The following MAP3K5 variants were observed in gnomAD, a reference collection of about 807,000 sequenced individuals.
MAP3K5 encodes the protein ASK-1.
Under a neutral mutation model 158.7 loss-of-function variants are expected in MAP3K5, and 56 were observed. The observed-to-expected ratio is 0.35, with a 90% CI of 0.28 to 0.44. The LOEUF (loss-of-function observed/expected upper bound fraction) is 0.44, where lower values mean the gene tolerates loss of function less well. Among genes scored for constraint, MAP3K5 ranks in the 20% least tolerant of loss-of-function variants. The pLI is 1.00. For synonymous variants in MAP3K5, 579 were observed against 601.7 expected, an observed-to-expected ratio of 0.96 and a Z score of 0.55; for missense variants, 1,294 against 1,674.8, an observed-to-expected ratio of 0.77 and a Z score of 3.97.
chr6:136,756,718 C>A (rs1227399252), intron 1 of MAP3K5, among the ~76,000 whole-genome samples: 1 of 152,160 alleles, frequency 6.6e-6, no homozygotes, highest in South Asian at 2.1e-4. Context: ...AAGGCCCTGC[C>A]GATTCATCAC....
Position 136,720,456 on chromosome 6 carries a change from T to C in MAP3K5, c.582A>G (p.Ser194=). ...CAGTAAACAAGGGAGGTACCTTCAG[T>C]GACTGCAGAGAGTCCGAGTTAGTAT... ...YCDTNSDSLQ[S]LKEIICQKNT... is the part of the protein sequence containing the mutation. The change falls in exon 2 of 30, where the codon TCA becomes TCG. Residue 194 remains serine (S), a synonymous_variant. Transcript: ENST00000359015. 6.3e-7 allele frequency: 1 copy of C among 1,595,970 alleles called. No individual in the cohort carries two copies. The highest frequency in any genetic ancestry group is 8.5e-7 in the Non-Finnish European group (1 of 1,172,720).
intron 7 of MAP3K5, among the ~76,000 whole-genome samples, chr6:136,673,213 C>T (rs1779559362): frequency 6.6e-6 from 1 of 152,090 alleles, no homozygotes; most frequent in South Asian, 2.1e-4. Context: ...AAAATGAAAA[C>T]CCAGACCCAA....
intron 1 of MAP3K5, among the ~76,000 whole-genome samples, chr6:136,787,305 G>A (rs75175279): frequency 0.039 from 5,925 of 152,318 alleles, 131 homozygotes; most frequent in African/African-American, 0.063. Context: ...CCAGCATCCT[G>A]GCACAGAGGC....
In MAP3K5 at chr6:136,609,718, C is replaced by A. The variant is rs538250770; in HGVS notation, c.2521+1564G>T. ...CTGAGGTAGGAGAATCACTTGAGCC[C>A]GGGGTAGGGGAGGTCACAGTGAGCA... is the stretch of plus-strand genomic sequence containing the variant. On this transcript the variant is annotated intron_variant, in intron 18 of 29. Coordinates refer to ENST00000359015, the MANE Select transcript of MAP3K5 (RefSeq NM_005923.4). The surrounding 1 kb of genome is among the most constrained non-coding windows in gnomAD (Gnocchi z 4.4). 6.6e-6 allele frequency among the ~76,000 whole-genome samples: 1 copy of A among 151,558 alleles called. No individual in the cohort carries two copies. Among genetic ancestry groups the A allele is most frequent in the Non-Finnish European group, 1.5e-5 (1 of 67,926 alleles).
rs140776350 is a variant in MAP3K5 at position 136,737,396 on chromosome 6, T to C, written c.449-16807A>G. Among the ~76,000 whole-genome samples the C allele has an allele frequency of 1.2e-3, 181 of 151,818 alleles. 1 individual carries two copies. Among genetic ancestry groups the C allele is most frequent in the African/African-American group, 4.0e-3 (165 of 41,368 alleles). On this transcript the variant is annotated intron_variant, in intron 1 of 29. Coordinates refer to ENST00000359015, the MANE Select transcript of MAP3K5 (RefSeq NM_005923.4). ...GTATCCTCTGAAACTAAAATAAAAG[T>C]TGAAAAAAAGGCCAGCCACACAGAG... is the stretch of plus-strand genomic sequence containing the variant.
chr6:136,615,735 A>G (rs1776534605), intron 15 of MAP3K5, among the ~76,000 whole-genome samples: 1 of 152,132 alleles, frequency 6.6e-6, no homozygotes, highest in Admixed American at 6.5e-5. Flanking sequence ...TAAATTGAAT[A>G]TATATATATC....
intron 1 of MAP3K5, among the ~76,000 whole-genome samples, chr6:136,745,340 T>C (rs778457295): frequency 6.6e-5 from 10 of 152,116 alleles, no homozygotes; most frequent in Non-Finnish European, 1.0e-4. Flanking sequence ...ATTAATTTTC[T>C]CTCCATGTTC....
chr6:136,580,483 G>T, intron 24 of MAP3K5, 77 bp from the exon 25 acceptor site: 1 of 823,274 alleles, frequency 1.2e-6, no homozygotes. Context: ...CTTGTATGAA[G>T]TTCCATTTAC....
chr6:136,620,100 T>C (rs1776736788), intron 15 of MAP3K5, among the ~76,000 whole-genome samples: 2 of 152,066 alleles, frequency 1.3e-5, no homozygotes, highest in African/African-American at 4.8e-5. Context: ...TGAAACTCTG[T>C]CTCTATTAAA....
intron 25 of MAP3K5, 149 bp from the exon 26 acceptor site, chr6:136,568,023 C>G (rs1774196838): frequency 2.4e-6 from 2 of 819,154 alleles, no homozygotes; most frequent in South Asian, 3.6e-5. Context: ...TTTCTGTAGA[C>G]TCAGATTTGT....
chr6:136,756,456 CTGT>C (rs1323482065), intron 1 of MAP3K5, among the ~76,000 whole-genome samples: 1 of 152,232 alleles, frequency 6.6e-6, no homozygotes, highest in East Asian at 1.9e-4. Context: ...CTTTTTGTTG[CTGT>C]TGTTGTTGAG....
intron 2 of MAP3K5, among the ~76,000 whole-genome samples, chr6:136,713,163 G>A (rs1419407763): frequency 1.3e-5 from 2 of 152,146 alleles, no homozygotes; most frequent in Non-Finnish European, 2.9e-5. Flanking sequence ...AATTCAGCAA[G>A]GCTTGCCCCA....
chr6:136,696,332 G>A (rs1780599456), intron 5 of MAP3K5, among the ~76,000 whole-genome samples: 1 of 152,194 alleles, frequency 6.6e-6, no homozygotes, highest in Non-Finnish European at 1.5e-5. Context: ...GCATGATAGT[G>A]CTCTACTGTC....
chr6:136,559,156 G>A (rs1830387840), intron 28 of MAP3K5, among the ~76,000 whole-genome samples: 1 of 152,104 alleles, frequency 6.6e-6, no homozygotes, highest in African/African-American at 2.4e-5. Flanking sequence ...TTCGAGACCA[G>A]CCTGGCCAAA....
intron 1 of MAP3K5, among the ~76,000 whole-genome samples, chr6:136,772,176 C>T (rs1662680197): frequency 6.6e-6 from 1 of 151,514 alleles, no homozygotes; most frequent in Non-Finnish European, 1.5e-5. Flanking sequence ...CTCGGCCTCC[C>T]AAAGTCCTGG....
chr6:136,662,528 T>C (rs1260622045), intron 8 of MAP3K5, among the ~76,000 whole-genome samples: 1 of 151,966 alleles, frequency 6.6e-6, no homozygotes, highest in Non-Finnish European at 1.5e-5. Flanking sequence ...TCTCCCTCTC[T>C]CTCTTCCTTT....
intron 8 of MAP3K5, among the ~76,000 whole-genome samples, chr6:136,666,613 T>G (rs928978949): frequency 1.3e-5 from 2 of 152,166 alleles, no homozygotes; most frequent in African/African-American, 4.8e-5. Flanking sequence ...TTAACATCAT[T>G]ATTATATTAA....
At chr6:136,582,604 A>G (rs1313454290) in intron 24 of MAP3K5, among the ~76,000 whole-genome samples, 2 of 152,234 alleles carry the variant, frequency 1.3e-5, no homozygotes, top group Non-Finnish European at 2.9e-5. Context: ...TGGCTTACAC[A>G]GTGTCTCAGA....
In MAP3K5 at chr6:136,592,727, C is replaced by T. The variant is rs1028011633; in HGVS notation, c.2879-113G>A. 4 of 915,760 alleles carry T rather than the reference C, an allele frequency of 4.4e-6. No homozygotes were observed. In the Admixed American group the frequency reaches 5.5e-5, roughly 13 times the overall value. The allele number at this position is 915,760 out of a possible 1,614,324, so 56.7% of individuals were successfully genotyped here. A position where few individuals can be genotyped will look rare whatever the true frequency, so the allele number is the denominator to read the frequency against. On this transcript the variant is annotated intron_variant, in intron 21 of 29. Coordinates refer to ENST00000359015, the MANE Select transcript of MAP3K5 (RefSeq NM_005923.4). ...TTGTCAAATATCTTGTTGCAATGAG[C>T]AGCATAATTATGCTATGTAAGGGAA...
Sources: allele counts gnomAD v4.1 joint callset (sites outside exome capture counted in the v4.1 genomes callset), GRCh38; gene constraint gnomAD v4.1.1; non-coding constraint Gnocchi (gnomAD v3.1); transcripts MANE v1.5; gene names NCBI Gene and HGNC (gene_info 2026-07-23, HGNC 2026-07-21).